The following UNC5D variants were observed in gnomAD, a reference collection of about 807,000 sequenced individuals.
UNC5D encodes the protein netrin receptor UNC5D.
A neutral mutation model predicts 105.4 loss-of-function variants in UNC5D; 39 were observed. The ratio of observed to expected loss-of-function variants is 0.37; its 90% CI spans 0.29 to 0.48. The LOEUF is 0.48. Among genes scored for constraint, UNC5D ranks in the 20% least tolerant of loss-of-function variants. The probability of loss-of-function intolerance (pLI) is 0.98; values close to 1 mark genes in which losing one functional copy is unlikely to be tolerated. For missense variants in UNC5D, 991 were observed against 1,202.4 expected (o/e 0.82, Z 2.60); for synonymous variants, 452 against 450.4 (o/e 1.00, Z -0.04).
intron 2 of UNC5D, among the ~76,000 whole-genome samples, chr8:35,564,787 A>G (rs1020309223): frequency 2.0e-5 from 3 of 152,084 alleles, no homozygotes; most frequent in Admixed American, 6.6e-5. Context: ...CCATTATACC[A>G]TCCTGTATGC....
intron 4 of UNC5D, among the ~76,000 whole-genome samples, chr8:35,602,130 G>A (rs1381724377): frequency 3.3e-5 from 5 of 152,256 alleles, no homozygotes; most frequent in East Asian, 1.9e-4. Context: ...AACCAGTCTG[G>A]CATCCCAGGG....
rs1805035421 is a variant in UNC5D at position 35,268,338 on chromosome 8, A to G, written c.103+32451A>G. On this transcript the variant is annotated intron_variant, in intron 1 of 16. Transcript: ENST00000404895. The stretch of plus-strand genomic sequence containing the variant: ...AACTGAACAATGATTAAATTACTTA[A>G]TAAGTGCACCCAGAAATGTAGTTCT... 3.3e-5 allele frequency among the ~76,000 whole-genome samples: 5 copies of G among 152,286 alleles called. No homozygotes were observed. In the South Asian group the frequency reaches 1.0e-3, roughly 32 times the overall value.
At chr8:35,724,369 T>C in intron 9 of UNC5D, 5 of 1,454,994 alleles carry the variant, frequency 3.4e-6, no homozygotes, top group Non-Finnish European at 4.6e-6. Context: ...CTCCACTGTC[T>C]TAGAGAGATC....
intron 1 of UNC5D, among the ~76,000 whole-genome samples, chr8:35,391,644 A>C (rs1197619790): frequency 2.6e-5 from 4 of 152,192 alleles, no homozygotes; most frequent in Non-Finnish European, 5.9e-5. Context: ...TATTAGACTT[A>C]CGTAGTAGAG....
chr8:35,289,405 A>G (rs982028142), intron 1 of UNC5D, among the ~76,000 whole-genome samples: 4 of 152,208 alleles, frequency 2.6e-5, no homozygotes, highest in African/African-American at 9.7e-5. Flanking sequence ...CAATACTGTA[A>G]TAGCAGGGGA....
chr8:35,439,806 C>T (rs904811178), intron 1 of UNC5D, among the ~76,000 whole-genome samples: 5 of 151,952 alleles, frequency 3.3e-5, no homozygotes, highest in African/African-American at 4.8e-5. Context: ...TATGGAAAGT[C>T]GTTTTCCTTC....
chr8:35,753,013 G>GAGAT (rs1179544071), intron 13 of UNC5D, among the ~76,000 whole-genome samples: 1 of 152,146 alleles, frequency 6.6e-6, no homozygotes, highest in Admixed American at 6.5e-5. Context: ...ATATAGCAGT[G>GAGAT]AGATAGACAT....
At chr8:35,739,030 A>G (rs1248588122) in intron 11 of UNC5D, among the ~76,000 whole-genome samples, 1 of 152,230 alleles carries the variant, frequency 6.6e-6, no homozygotes, top group Non-Finnish European at 1.5e-5. Flanking sequence ...CTGAGGAAAG[A>G]TGCCTCCCAG....
chr8:35,451,285 C>T (rs112810544), intron 1 of UNC5D, among the ~76,000 whole-genome samples: 2,621 of 152,138 alleles, frequency 0.017, 89 homozygotes, highest in African/African-American at 0.06. Context: ...TCAGGTGATC[C>T]GCCTGCCTCA....
chr8:35,351,205 G>A (rs140256510), intron 1 of UNC5D, among the ~76,000 whole-genome samples: 315 of 152,128 alleles, frequency 2.1e-3, no homozygotes, highest in Non-Finnish European at 3.8e-3. Flanking sequence ...CACTTGCACA[G>A]CCTTGAGACT....
intron 1 of UNC5D, among the ~76,000 whole-genome samples, chr8:35,279,292 C>T (rs12676226): frequency 0.076 from 11,543 of 152,196 alleles, 674 homozygotes; most frequent in East Asian, 0.21. Context: ...AAAACAAACT[C>T]AAAAGGAATA....
At chr8:35,279,803 A>G (rs1806021155) in intron 1 of UNC5D, among the ~76,000 whole-genome samples, 1 of 152,214 alleles carries the variant, frequency 6.6e-6, no homozygotes, top group African/African-American at 2.4e-5. Context: ...TTGGCAAAAG[A>G]TCCCCAGCTT....
chr8:35,594,885 T>A (rs1057458955), intron 3 of UNC5D, among the ~76,000 whole-genome samples: 3 of 152,190 alleles, frequency 2.0e-5, no homozygotes, highest in African/African-American at 7.2e-5. Flanking sequence ...TGTAAAAGGT[T>A]AATAGTACAG....
chr8:35,610,077 C>T (rs1820572190), intron 4 of UNC5D, among the ~76,000 whole-genome samples: 1 of 151,746 alleles, frequency 6.6e-6, no homozygotes, highest in South Asian at 2.1e-4. Flanking sequence ...GTGTACCTAC[C>T]AGGTACTATG....
chr8:35,657,007 T>C (rs10092913), intron 4 of UNC5D, among the ~76,000 whole-genome samples: 27,328 of 144,952 alleles, frequency 0.19, 6,142 homozygotes, highest in African/African-American at 0.55. Context: ...TTTTTATAGA[T>C]GTGATCTTGC....
chr8:35,275,752 C>CA (rs1805731810), intron 1 of UNC5D, among the ~76,000 whole-genome samples: 1 of 152,158 alleles, frequency 6.6e-6, no homozygotes, highest in Non-Finnish European at 1.5e-5. Flanking sequence ...TCTCCTGGGG[C>CA]TTGAAGTAAC....
Position 35,796,521 on chromosome 8 carries a change from TAAAG to T in UNC5D, c.*5960_*5963del, listed in dbSNP as rs757177660. 6.6e-6 allele frequency: 1 copy of T among 150,750 alleles called. No homozygotes were observed. The highest frequency in any genetic ancestry group is 2.4e-5 in the African/African-American group (1 of 40,880). The allele number at this position is 150,750 out of a possible 1,614,324, so 9.3% of individuals were successfully genotyped here. A position where few individuals can be genotyped will look rare whatever the true frequency, so the allele number is the denominator to read the frequency against. On this transcript the variant is annotated 3_prime_UTR_variant, in exon 17 of 17. Coordinates refer to ENST00000404895, the MANE Select transcript of UNC5D (RefSeq NM_080872.4). The stretch of plus-strand genomic sequence containing the variant: ...TTACTGCATATCAGTTATTTATGAA[TAAAG>T]AGTCTTTTATTGACATTTTAGGATA...
intron 1 of UNC5D, among the ~76,000 whole-genome samples, chr8:35,297,788 A>T (rs2980397): frequency 0.99 from 148,873 of 150,202 alleles, 73,782 homozygotes; most frequent in Non-Finnish European, 1. Flanking sequence ...TTTTTTTTTT[A>T]AATTTTGGCA....
At chr8:35,761,945 G>A (rs565372700) in intron 14 of UNC5D, among the ~76,000 whole-genome samples, 2 of 152,252 alleles carry the variant, frequency 1.3e-5, no homozygotes, top group African/African-American at 4.8e-5. Context: ...TTTCATTAGG[G>A]CTTAGTGGTT....
Sources: allele counts gnomAD v4.1 joint callset (sites outside exome capture counted in the v4.1 genomes callset), GRCh38; gene constraint gnomAD v4.1.1; transcripts MANE v1.5; gene names NCBI Gene and HGNC (gene_info 2026-07-23, HGNC 2026-07-21).